The following DNMT3A variants were observed in gnomAD, a reference collection of about 807,000 sequenced individuals.
DNMT3A encodes DNA methyltransferase 3 alpha, also known as DNA (cytosine-5)-methyltransferase 3A.
A neutral mutation model predicts 117.6 loss-of-function variants in DNMT3A; 267 were observed. The observed-to-expected ratio is 2.27, with a 90% CI of 2.05 to 2.51. The LOEUF (loss-of-function observed/expected upper bound fraction) is 2.51. DNMT3A is among the 30% of genes most tolerant of loss of function. DNMT3A has a pLI of 0.00. For missense variants in DNMT3A, 1,029 were observed against 1,260.2 expected, an observed-to-expected ratio of 0.82 and a Z score of 2.78; for synonymous variants, 432 against 474.8, an observed-to-expected ratio of 0.91 and a Z score of 1.17.
Position 25,244,231 on chromosome 2 carries a change from T to C in DNMT3A, c.1775A>G (p.Tyr592Cys), listed in dbSNP as rs1188559240. Residue 592 changes from tyrosine to cysteine, a missense_variant, in exon 15 of 23, where the codon TAC (tyrosine) becomes TGC (cysteine). Physicochemically the swap from Tyr to Cys is radical, Grantham distance 194 (BLOSUM62 -2). Coordinates refer to ENST00000321117, the MANE Select transcript of DNMT3A (RefSeq NM_022552.5). The stretch of plus-strand genomic sequence containing the variant: ...GTCCTCTCGCCGCCGCAGCAGCCCG[T>C]AGGTACCCTTGTGCCCGCACATGTA... ...NCYMCGHKGT[Y>C]GLLRRREDWP... 6.2e-7 allele frequency: 1 copy of C among 1,614,026 alleles called. No homozygotes were observed. Among genetic ancestry groups the C allele is most frequent in the Admixed American group, 1.7e-5 (1 of 60,022 alleles).
chr2:25,300,306 C>CTGGAA, intron 2 of DNMT3A, 63 bp from the exon 3 acceptor site: 1 of 1,544,442 alleles, frequency 6.5e-7, no homozygotes, highest in Non-Finnish European at 8.7e-7. Flanking sequence ...CATTCCAGGC[C>CTGGAA]TGTCTGGGGC....
At chr2:25,245,402 G>A in intron 12 of DNMT3A, 70 bp from the exon 13 acceptor site, 1 of 1,399,730 alleles carries the variant, frequency 7.1e-7, no homozygotes, top group South Asian at 1.2e-5. Context: ...CCGGAGCCCA[G>A]CACCAGACCA....
intron 3 of DNMT3A, among the ~76,000 whole-genome samples, chr2:25,295,610 C>T (rs568868605): frequency 5.1e-4 from 78 of 152,300 alleles, no homozygotes; most frequent in Admixed American, 3.5e-3. Flanking sequence ...ACAGAGAACC[C>T]CTGGGTAGGT....
intron 6 of DNMT3A, among the ~76,000 whole-genome samples, chr2:25,253,590 C>T (rs1675844955): frequency 6.6e-6 from 1 of 152,194 alleles, no homozygotes; most frequent in African/African-American, 2.4e-5. Flanking sequence ...AATGGCAAGC[C>T]TTCAGGTGCG....
intron 1 of DNMT3A, among the ~76,000 whole-genome samples, chr2:25,315,476 A>G (rs2034334884): frequency 6.6e-6 from 1 of 152,188 alleles, no homozygotes; most frequent in African/African-American, 2.4e-5. Context: ...CACTGCGTCC[A>G]TTCCCCATAC....
intron 6 of DNMT3A, among the ~76,000 whole-genome samples, chr2:25,262,188 C>CAAAAAA (rs533414494): frequency 2.1e-5 from 2 of 93,746 alleles, no homozygotes; most frequent in African/African-American, 4.1e-5. Flanking sequence ...GACTCCGTCT[C>CAAAAAA]AAAAAAAAAA....
At position 25,282,443 on chromosome 2, in the gene DNMT3A, G is replaced by A. The variant is rs767055283; in HGVS notation, c.446C>T (p.Ala149Val). The A allele has an allele frequency of 2.7e-5, 43 of 1,612,176 alleles. 1 individual carries two copies. The South Asian group carries it at 4.3e-4, about 16-fold the overall frequency. The change falls in exon 4 of 23, where the codon GCG becomes GTG. Residue 149 changes from alanine (A) to valine (V), a missense_variant and splice_region_variant. Physicochemically the swap from Ala to Val is moderately conservative, Grantham distance 64. Transcript: ENST00000321117. This position sits in a 1 kb window ranked among gnomAD's most constrained non-coding sequence, Gnocchi z 5.2. ...TGCCCCTGGTGCTGAGGACTCACCC[G>A]CTTCTGCAGGGGCTCCTCGGCCCTC... The part of the protein sequence containing the change: ...PKEGRGAPAE[A>V]GKEQKETNIE...
At chr2:25,287,881 C>G in intron 3 of DNMT3A, among the ~76,000 whole-genome samples, 1 of 151,906 alleles carries the variant, frequency 6.6e-6, no homozygotes, top group Non-Finnish European at 1.5e-5. Flanking sequence ...GTTGCCCAGT[C>G]TGGAGCACAG....
At position 25,234,380 on chromosome 2, in the gene DNMT3A, T is replaced by C. The variant is rs775365749; in HGVS notation, c.2638A>G (p.Met880Val). 9 of 1,613,920 alleles carry C rather than the reference T, an allele frequency of 5.6e-6. No individual in the cohort carries two copies. Among genetic ancestry groups the C allele is most frequent in the Non-Finnish European group, 5.9e-6 (7 of 1,179,954 alleles). ...AGTCTCTGCCTCGCCAAGCGGCTCA[T>C]GTTGGAGACGTCAGTATAGTGGACT... ...FPVHYTDVSN[M>V]SRLARQRLLG... The change falls in exon 23 of 23, where the codon ATG (methionine) becomes GTG (valine). Residue 880 changes from methionine (M) to valine (V), a missense_variant. Met to Val is a conservative substitution (Grantham distance 21). Coordinates refer to ENST00000321117, the MANE Select transcript of DNMT3A (RefSeq NM_022552.5). This position sits in a 1 kb window ranked among gnomAD's most constrained non-coding sequence, Gnocchi z 4.5.
chr2:25,256,730 C>T (rs1257648370), intron 6 of DNMT3A, among the ~76,000 whole-genome samples: 1 of 152,168 alleles, frequency 6.6e-6, no homozygotes, highest in Non-Finnish European at 1.5e-5. Context: ...TGTCCCTTAT[C>T]TTCTACCCCA....
At chr2:25,322,581 G>C (rs918976936) in intron 1 of DNMT3A, among the ~76,000 whole-genome samples, 5 of 149,684 alleles carry the variant, frequency 3.3e-5, no homozygotes, top group African/African-American at 1.2e-4. Flanking sequence ...CCCCTTCTCA[G>C]ACCAAAGAGC....
chr2:25,328,759 TGCGTCAGTGGAAAG>T (rs1454447129), intron 1 of DNMT3A: 4 of 480,856 alleles, frequency 8.3e-6, no homozygotes, highest in Non-Finnish European at 1.7e-5. Flanking sequence ...CCCAAGGCAC[TGCGTCAGTGGAAAG>T]GCTGTTTGCA....
rs1413294518 is a variant in DNMT3A at position 25,282,633 on chromosome 2, C to T, written c.256G>A (p.Glu86Lys). The change falls in exon 4 of 23, where the codon GAG (glutamate) becomes AAG (lysine). Residue 86 changes from glutamate (E) to lysine (K), a missense_variant. By Grantham distance (56) the Glu-to-Lys change is moderately conservative. Transcript: ENST00000321117. This position sits in a 1 kb window ranked among gnomAD's most constrained non-coding sequence, Gnocchi z 5.2. The part of the protein sequence containing the change: ...PSMAQDSGAS[E>K]LLPNGDLEKR... ...TCCAAGTCCCCATTGGGTAATAGCTCTGAGGCGCCTGAGTCCTGGGCCATG... is the reference window on the plus strand; with the variant it reads ...TCCAAGTCCCCATTGGGTAATAGCTTTGAGGCGCCTGAGTCCTGGGCCATG... 1 of 1,612,902 alleles carries T rather than the reference C, an allele frequency of 6.2e-7. No individual in the cohort carries two copies. The highest frequency in any genetic ancestry group is 2.2e-5 in the East Asian group (1 of 44,880).
chr2:25,295,301 T>C (rs2033024563), intron 3 of DNMT3A, among the ~76,000 whole-genome samples: 1 of 152,214 alleles, frequency 6.6e-6, no homozygotes, highest in Non-Finnish European at 1.5e-5. Flanking sequence ...CCGCAGGCCC[T>C]GGCCCAGGTG....
At chr2:25,290,811 G>A (rs2032701751) in intron 3 of DNMT3A, among the ~76,000 whole-genome samples, 1 of 134,490 alleles carries the variant, frequency 7.4e-6, no homozygotes, top group Non-Finnish European at 1.6e-5. Flanking sequence ...GGGGTGGGGG[G>A]TGGGTAGATG....
At chr2:25,271,882 C>T (rs2030938360) in intron 6 of DNMT3A, among the ~76,000 whole-genome samples, 1 of 152,202 alleles carries the variant, frequency 6.6e-6, no homozygotes, top group South Asian at 2.1e-4. Flanking sequence ...TGAAGACTTA[C>T]TAGAAAATCT....
chr2:25,249,505 T>C, intron 6 of DNMT3A: 1 of 870,488 alleles, frequency 1.1e-6, no homozygotes, highest in Non-Finnish European at 1.9e-6. Context: ...CGACCCCTTC[T>C]ATGTGCACCC....
In DNMT3A at chr2:25,252,660, C is replaced by T. The variant is rs1318227759; in HGVS notation, c.640-4408G>A. Among the ~76,000 whole-genome samples, 1 of 151,946 alleles carries T rather than the reference C, an allele frequency of 6.6e-6. No individual in the cohort carries two copies. The highest frequency in any genetic ancestry group is 1.5e-5 in the Non-Finnish European group (1 of 67,950). Reference sequence around the variant, plus strand: ...GGGAGGGAAGGGGCTGCTCCCGAGCCGCCTGCCCGGAGGGAGCCGGGGGTC... The same window carrying T: ...GGGAGGGAAGGGGCTGCTCCCGAGCTGCCTGCCCGGAGGGAGCCGGGGGTC... On this transcript the variant is annotated intron_variant, in intron 6 of 22. Coordinates refer to ENST00000321117, the MANE Select transcript of DNMT3A (RefSeq NM_022552.5). This position sits in a 1 kb window ranked among gnomAD's most constrained non-coding sequence, Gnocchi z 5.5.
chr2:25,278,685 G>A (rs1199710004), intron 4 of DNMT3A, among the ~76,000 whole-genome samples: 5 of 152,202 alleles, frequency 3.3e-5, no homozygotes, highest in Non-Finnish European at 7.3e-5. Flanking sequence ...AATTAACCAG[G>A]TATGGTGGCT....
Sources: gnomAD v4.1 joint callset for allele counts (sites outside exome capture counted in the v4.1 genomes callset) on GRCh38, gnomAD v4.1.1 for gene constraint, Gnocchi (gnomAD v3.1) non-coding constraint, MANE v1.5 for transcripts, NCBI Gene and HGNC (gene_info 2026-07-23, HGNC 2026-07-21) for gene names.